The following ELMO1 variants were observed in gnomAD, a reference collection of about 807,000 sequenced individuals.
The protein encoded by ELMO1 is engulfment and cell motility 1.
A neutral mutation model predicts 98.9 loss-of-function variants in ELMO1; 26 were observed. That is an observed-to-expected ratio of 0.26 (90% confidence interval 0.19 to 0.36). The LOEUF (loss-of-function observed/expected upper bound fraction) is 0.36. ELMO1 is among the 10% of genes least tolerant of loss of function. The pLI is 1.00. For missense variants in ELMO1, 627 were observed against 935.2 expected (o/e 0.67, Z 4.30); for synonymous variants, 346 against 346.0 (o/e 1.00, Z 0.00).
chr7:36,894,301 C>G (rs1805798914), intron 17 of ELMO1, among the ~76,000 whole-genome samples: 1 of 152,288 alleles, frequency 6.6e-6, no homozygotes, highest in South Asian at 2.1e-4. Flanking sequence ...TGCTGCCTCC[C>G]CACTGTAGGA....
At chr7:36,986,999 A>C (rs1475051463) in intron 16 of ELMO1, among the ~76,000 whole-genome samples, 1 of 152,212 alleles carries the variant, frequency 6.6e-6, no homozygotes, top group Non-Finnish European at 1.5e-5. Flanking sequence ...TCCGCAAATA[A>C]AAGTTAAAGT....
At chr7:37,383,311 AG>A (rs1266954543) in intron 1 of ELMO1, among the ~76,000 whole-genome samples, 10 of 152,282 alleles carry the variant, frequency 6.6e-5, no homozygotes, top group African/African-American at 2.2e-4. Flanking sequence ...ACATTTTTTA[AG>A]AGTACAGAAA....
At position 36,855,916 on chromosome 7, in the gene ELMO1, C is replaced by A. The variant is rs73112043; in HGVS notation, c.1984-165G>T. ...GCGACATCTCAATATAAAGTCGATA[C>A]TTCTGTTATCTCTGTTTTATAGGTG... On this transcript the variant is annotated intron_variant, in intron 21 of 21. Coordinates refer to ENST00000310758, the MANE Select transcript of ELMO1 (RefSeq NM_014800.11). The surrounding 1 kb of genome is among the most constrained non-coding windows in gnomAD (Gnocchi z 4.2). Among the ~76,000 whole-genome samples the A allele has an allele frequency of 1.2e-3, 181 of 152,330 alleles. No homozygotes were observed. The highest frequency in any genetic ancestry group is 6.8e-3 in the Middle Eastern group (2 of 294).
At chr7:37,297,750 T>G (rs1386193767) in intron 4 of ELMO1, among the ~76,000 whole-genome samples, 3 of 152,212 alleles carry the variant, frequency 2.0e-5, no homozygotes, top group Non-Finnish European at 4.4e-5. Context: ...CACTGAGGAA[T>G]GACTATGGGC....
intron 16 of ELMO1, among the ~76,000 whole-genome samples, chr7:36,976,166 G>A (rs1392449981): frequency 1.3e-5 from 2 of 152,208 alleles, no homozygotes; most frequent in African/African-American, 4.8e-5. Flanking sequence ...GTATTTACAA[G>A]TCCAGGGAGT....
At chr7:36,962,521 A>T (rs941184215) in intron 16 of ELMO1, among the ~76,000 whole-genome samples, 7 of 152,128 alleles carry the variant, frequency 4.6e-5, no homozygotes, top group Non-Finnish European at 7.4e-5. Context: ...ATGTGGGAAG[A>T]AGGTAAGCAT....
chr7:37,098,882 C>G (rs1252596970), intron 14 of ELMO1, among the ~76,000 whole-genome samples: 3 of 152,156 alleles, frequency 2.0e-5, no homozygotes, highest in African/African-American at 7.2e-5. Flanking sequence ...AAAGAGAAGA[C>G]AGAAGACAGG....
At chr7:36,948,740 T>C (rs1268115655) in intron 16 of ELMO1, among the ~76,000 whole-genome samples, 5 of 152,232 alleles carry the variant, frequency 3.3e-5, no homozygotes, top group Non-Finnish European at 7.3e-5. Context: ...CCTAAATCCA[T>C]GCTCTTAACC....
At position 36,914,448 on chromosome 7, in the gene ELMO1, G is replaced by A. The variant is rs77955937; in HGVS notation, c.1438-19431C>T. On this transcript the variant is annotated intron_variant, in intron 16 of 21. Coordinates refer to ENST00000310758, the MANE Select transcript of ELMO1 (RefSeq NM_014800.11). ...AAAATTTACCCTATAGAGTAATTAC[G>A]TAAAATAGATCATGCATATGAAAGC... Among the ~76,000 whole-genome samples, 1,518 of 152,018 alleles carry A rather than the reference G, an allele frequency of 1.0e-2. 24 individuals are homozygous for A. Among genetic ancestry groups the A allele is most frequent in the African/African-American group, 0.031 (1,294 of 41,466 alleles).
At chr7:37,438,536 A>C (rs529886459) in intron 1 of ELMO1, among the ~76,000 whole-genome samples, 21 of 151,588 alleles carry the variant, frequency 1.4e-4, no homozygotes, top group African/African-American at 4.4e-4. Context: ...GGAGGCGGAG[A>C]TTGCAGTGAG....
At chr7:36,891,121 T>C (rs1266687624) in intron 17 of ELMO1, among the ~76,000 whole-genome samples, 2 of 152,250 alleles carry the variant, frequency 1.3e-5, no homozygotes, top group African/African-American at 4.8e-5. Flanking sequence ...ATTTCCCTTA[T>C]CTTGCTTTGT....
intron 4 of ELMO1, among the ~76,000 whole-genome samples, chr7:37,281,786 A>G (rs1797156411): frequency 6.6e-6 from 1 of 152,252 alleles, no homozygotes; most frequent in Non-Finnish European, 1.5e-5. Flanking sequence ...TGAAGCAAAC[A>G]AAACTCATGC....
In ELMO1 at chr7:37,128,943, G is replaced by A. The variant is rs558927640; in HGVS notation, c.1191+4187C>T. Among the ~76,000 whole-genome samples, 13 of 152,176 alleles carry A rather than the reference G, an allele frequency of 8.5e-5. No homozygotes were observed. In the South Asian group the frequency reaches 1.2e-3, roughly 15 times the overall value. ...TCTAGGATTTAAATTGTGTGTCCAC[G>A]GTGCAAAGAGAGTGGATGGAGTCAT... On this transcript the variant is annotated intron_variant, in intron 14 of 21. Coordinates refer to ENST00000310758, the MANE Select transcript of ELMO1 (RefSeq NM_014800.11).
chr7:37,417,834 T>A (rs1205182021), intron 1 of ELMO1, among the ~76,000 whole-genome samples: 1 of 152,094 alleles, frequency 6.6e-6, no homozygotes, highest in Non-Finnish European at 1.5e-5. Flanking sequence ...AGAGCAAGAC[T>A]CTGTCTCAAA....
At chr7:37,253,246 T>C (rs974032145) in intron 6 of ELMO1, among the ~76,000 whole-genome samples, 1 of 152,248 alleles carries the variant, frequency 6.6e-6, no homozygotes, top group African/African-American at 2.4e-5. Flanking sequence ...CAAAGGATTA[T>C]AAGTCATTCT....
chr7:36,912,940 C>T (rs1436501348), intron 16 of ELMO1, among the ~76,000 whole-genome samples: 1 of 152,162 alleles, frequency 6.6e-6, no homozygotes, highest in African/African-American at 2.4e-5. Flanking sequence ...ATCACTTCTA[C>T]CTCCCACTAT....
chr7:37,216,198 CTA>C (rs1793271760), intron 11 of ELMO1, among the ~76,000 whole-genome samples: 1 of 151,338 alleles, frequency 6.6e-6, no homozygotes, highest in Non-Finnish European at 1.5e-5. Flanking sequence ...TGGCTCCTAT[CTA>C]TATCTTTCCT....
At chr7:37,284,302 G>A (rs1797284280) in intron 4 of ELMO1, among the ~76,000 whole-genome samples, 1 of 152,186 alleles carries the variant, frequency 6.6e-6, no homozygotes, top group Non-Finnish European at 1.5e-5. Context: ...CATAAACAAA[G>A]AGGAAACATT....
intron 14 of ELMO1, among the ~76,000 whole-genome samples, chr7:37,099,648 A>T (rs1784536134): frequency 6.6e-6 from 1 of 152,162 alleles, no homozygotes; most frequent in Admixed American, 6.5e-5. Context: ...GTGCAATGTG[A>T]AGTTATATTT....
Sources: gnomAD v4.1 joint callset for allele counts (sites outside exome capture counted in the v4.1 genomes callset) on GRCh38, gnomAD v4.1.1 for gene constraint, Gnocchi (gnomAD v3.1) non-coding constraint, MANE v1.5 for transcripts, NCBI Gene and HGNC (gene_info 2026-07-23, HGNC 2026-07-21) for gene names.